Variants in NSG1 observed in about 807,000 individuals in gnomAD.
The protein encoded by NSG1 is neuronal vesicle trafficking associated 1.
NSG1 carries 9 observed loss-of-function variants against 19.3 expected under a neutral mutation model. The observed-to-expected ratio is 0.47, with a 90% CI of 0.28 to 0.81. The LOEUF is 0.81. Ranked by LOEUF, NSG1 falls within the 40% of genes least tolerant of loss-of-function variation. NSG1 has a pLI of 0.11. For synonymous variants in NSG1, 104 were observed against 107.0 expected (o/e 0.97, Z 0.17); for missense variants, 236 against 242.4 (o/e 0.97, Z 0.18).
intron 2 of NSG1, among the ~76,000 whole-genome samples, 190 bp downstream of exon 2, chr4:4,387,948 G>C (rs1033898659): frequency 6.6e-6 from 1 of 150,386 alleles, no homozygotes; most frequent in Non-Finnish European, 1.5e-5. Flanking sequence ...GGGCGGGGGA[G>C]GGGAGCCCTG....
At chr4:4,394,298 T>G (rs574931298) in intron 3 of NSG1, among the ~76,000 whole-genome samples, 1 of 152,292 alleles carries the variant, frequency 6.6e-6, no homozygotes, top group East Asian at 1.9e-4. Flanking sequence ...ACACAGAATG[T>G]GCGGCGCCCT....
At chr4:4,397,790 G>T (rs975181206) in intron 3 of NSG1, among the ~76,000 whole-genome samples, 1 of 152,090 alleles carries the variant, frequency 6.6e-6, no homozygotes, top group Non-Finnish European at 1.5e-5. Flanking sequence ...CTGAGGCCCA[G>T]ATCCTGTTTG....
At chr4:4,409,321 G>A (rs542101382) in intron 3 of NSG1, among the ~76,000 whole-genome samples, 3 of 152,360 alleles carry the variant, frequency 2.0e-5, no homozygotes, top group East Asian at 1.9e-4. Context: ...CTCTATGCAG[G>A]ACCTTGGGTA....
intron 4 of NSG1, among the ~76,000 whole-genome samples, chr4:4,416,592 G>T (rs1395343806): frequency 6.6e-6 from 1 of 152,152 alleles, no homozygotes; most frequent in South Asian, 2.1e-4. Context: ...AGGGAATGGG[G>T]GTGTGGATTT....
intron 2 of NSG1, among the ~76,000 whole-genome samples, chr4:4,390,882 G>T (rs1722954809): frequency 6.6e-6 from 1 of 152,068 alleles, no homozygotes; most frequent in South Asian, 2.1e-4. Context: ...ACAGTAGGGG[G>T]TGGAGGGGAA....
intron 3 of NSG1, among the ~76,000 whole-genome samples, chr4:4,405,255 G>A (rs146388654): frequency 2.0e-5 from 3 of 152,116 alleles, no homozygotes; most frequent in East Asian, 3.9e-4. Context: ...CCCTATATGC[G>A]TGTCTGTCTA....
chr4:4,404,313 T>C (rs1168855807), intron 3 of NSG1, among the ~76,000 whole-genome samples: 1 of 152,160 alleles, frequency 6.6e-6, no homozygotes, highest in Non-Finnish European at 1.5e-5. Context: ...GGGGCTCCCA[T>C]AGGGTAACAA....
chr4:4,387,582 C>T lies in NSG1; in HGVS notation c.-26-22C>T, dbSNP rs371187470. On this transcript the variant is annotated intron_variant, in intron 1 of 4. Transcript: ENST00000621129. ...GCCCCGGGTCTTGCTTGTGGTGACT[C>T]CCCCCGGCCCTCCCGCCGCAGGCTG... 4.4e-5 allele frequency: 59 copies of T among 1,354,212 alleles called. No individual in the cohort carries two copies. In the South Asian group the frequency reaches 4.9e-4, roughly 11 times the overall value. 83.9% of individuals were successfully genotyped at this position (1,354,212 alleles called of 1,614,324 possible).
rs774318038 is a variant in NSG1, at chr4:4,417,232, C to T, written c.358-3C>T. ...GTGCTCTCAGTGGCCTCTTGTCTTTCAGAACACCCAGTGCATCCCAGAAGG... is the reference window on the plus strand; with the variant it reads ...GTGCTCTCAGTGGCCTCTTGTCTTTTAGAACACCCAGTGCATCCCAGAAGG... On this transcript the variant is annotated splice_polypyrimidine_tract_variant and splice_region_variant and intron_variant, in intron 4 of 4. Coordinates refer to ENST00000621129, the MANE Select transcript of NSG1 (RefSeq NM_014392.5). 1 of 1,613,734 alleles carries T rather than the reference C, an allele frequency of 6.2e-7. No individual in the cohort carries two copies. Among genetic ancestry groups the T allele is most frequent in the East Asian group, 2.2e-5 (1 of 44,888 alleles).
At chr4:4,407,745 C>T (rs954423267) in intron 3 of NSG1, among the ~76,000 whole-genome samples, 4 of 152,110 alleles carry the variant, frequency 2.6e-5, no homozygotes, top group East Asian at 1.9e-4. Context: ...CTTGCAGAGA[C>T]GGGGACGTGG....
chr4:4,408,243 A>T (rs539318545), intron 3 of NSG1, among the ~76,000 whole-genome samples: 8 of 152,186 alleles, frequency 5.3e-5, no homozygotes, highest in Admixed American at 1.3e-4. Flanking sequence ...TGTTGGCTGT[A>T]GGGTCTGTAT....
chr4:4,407,923 C>G (rs971706662), intron 3 of NSG1, among the ~76,000 whole-genome samples: 17 of 152,052 alleles, frequency 1.1e-4, no homozygotes, highest in Non-Finnish European at 1.8e-4. Flanking sequence ...TGCATAGGGG[C>G]CCCCAAAGAG....
chr4:4,398,736 G>C (rs1347470258), intron 3 of NSG1, among the ~76,000 whole-genome samples: 3 of 152,172 alleles, frequency 2.0e-5, no homozygotes, highest in Non-Finnish European at 4.4e-5. Context: ...GTTGTGGGTA[G>C]CGCTGCTGTG....
At chr4:4,409,993 G>A (rs1411143792) in intron 4 of NSG1, among the ~76,000 whole-genome samples, 3 of 152,244 alleles carry the variant, frequency 2.0e-5, no homozygotes, top group Admixed American at 6.5e-5. Flanking sequence ...AAATGCCCAG[G>A]ATGATACCTA....
At chr4:4,394,887 G>A (rs574889026) in intron 3 of NSG1, among the ~76,000 whole-genome samples, 15 of 152,318 alleles carry the variant, frequency 9.8e-5, no homozygotes, top group African/African-American at 3.4e-4. Flanking sequence ...CCATGCTTAC[G>A]CGTAAGCCTC....
intron 4 of NSG1, among the ~76,000 whole-genome samples, chr4:4,411,141 C>T (rs1015243199): frequency 2.0e-5 from 3 of 152,156 alleles, no homozygotes; most frequent in African/African-American, 4.8e-5. Context: ...CAGGCGTGAG[C>T]CACCACACTC....
intron 3 of NSG1, among the ~76,000 whole-genome samples, chr4:4,402,624 G>A (rs1214572305): frequency 4.6e-5 from 7 of 151,564 alleles, no homozygotes; most frequent in Admixed American, 6.7e-5. Flanking sequence ...TCCTGACCTC[G>A]TGATCCGCCC....
chr4:4,387,473 G>T, intron 1 of NSG1, 131 bp from the exon 2 acceptor site: 1 of 624,304 alleles, frequency 1.6e-6, no homozygotes, highest in Non-Finnish European at 2.8e-6. Flanking sequence ...GTCCCCACGA[G>T]CCCTCCCCGA....
intron 3 of NSG1, among the ~76,000 whole-genome samples, chr4:4,407,027 G>T (rs1167665607): frequency 6.6e-6 from 1 of 152,270 alleles, no homozygotes; most frequent in Admixed American, 6.5e-5. Flanking sequence ...CTGCAGCTGT[G>T]ATCTGGACTA....
Sources: allele counts gnomAD v4.1 joint callset (sites outside exome capture counted in the v4.1 genomes callset), GRCh38; gene constraint gnomAD v4.1.1; transcripts MANE v1.5; gene names NCBI Gene and HGNC (gene_info 2026-07-23, HGNC 2026-07-21).